Variants in EFNB2 observed in about 807,000 individuals in gnomAD.
The protein encoded by EFNB2 is ephrin-B2.
Under a neutral mutation model 32.1 loss-of-function variants are expected in EFNB2, and 5 were observed. The ratio of observed to expected loss-of-function variants is 0.16; its 90% CI spans 0.08 to 0.33. EFNB2 has a LOEUF of 0.33. EFNB2 is among the 10% of genes least tolerant of loss of function. The pLI is 1.00. For missense variants in EFNB2, 263 were observed against 422.6 expected, an observed-to-expected ratio of 0.62 and a Z score of 3.31; for synonymous variants, 168 against 166.5, an observed-to-expected ratio of 1.01 and a Z score of -0.07.
intron 2 of EFNB2, among the ~76,000 whole-genome samples, chr13:106,501,274 A>C (rs1311357379): frequency 6.6e-6 from 1 of 152,196 alleles, no homozygotes; most frequent in Non-Finnish European, 1.5e-5. Flanking sequence ...TTAATTAATA[A>C]AATCTTCTGA....
rs374306992 is a variant in EFNB2, at chr13:106,535,128, C to T, written c.-164G>A. 12 of 812,340 alleles carry T rather than the reference C, an allele frequency of 1.5e-5. No individual in the cohort carries two copies. In the South Asian group the frequency reaches 1.9e-4, roughly 13 times the overall value. 50.3% of individuals were successfully genotyped at this position (812,340 alleles called of 1,614,324 possible). A position where few individuals can be genotyped will look rare whatever the true frequency, so the allele number is the denominator to read the frequency against. ...GCTCCAGCGGTCGCCGGGCCAGGTG[C>T]GCTCGCTCTCCGGGGCCCTCAGGGC... On this transcript the variant is annotated 5_prime_UTR_variant, in exon 1 of 5. Coordinates refer to ENST00000646441, the MANE Select transcript of EFNB2 (RefSeq NM_004093.4).
intron 2 of EFNB2, among the ~76,000 whole-genome samples, chr13:106,511,835 C>T (rs1254356348): frequency 6.6e-6 from 1 of 152,194 alleles, no homozygotes; most frequent in African/African-American, 2.4e-5. Context: ...CAAATGTGCT[C>T]ATCAGCTGAC....
rs549807816 is a variant in EFNB2 at position 106,504,627 on chromosome 13, G to C, written c.406+7902C>G. ...TACCTTCATCCCCTGTTTAACATCAGGAACAACAAAATGGGCTACTTCACC... is the reference window on the plus strand; with the variant it reads ...TACCTTCATCCCCTGTTTAACATCACGAACAACAAAATGGGCTACTTCACC... On this transcript the variant is annotated intron_variant, in intron 2 of 4. Transcript: ENST00000646441. Among the ~76,000 whole-genome samples, 18 of 152,276 alleles carry C rather than the reference G, an allele frequency of 1.2e-4. No individual in the cohort carries two copies. The South Asian group carries it at 3.5e-3, about 30-fold the overall frequency.
chr13:106,495,782 T>C lies in EFNB2; in HGVS notation c.465A>G (p.Thr155=), dbSNP rs1430135125. 1 of 1,614,164 alleles carries C rather than the reference T, an allele frequency of 6.2e-7. No individual in the cohort carries two copies. The highest frequency in any genetic ancestry group is 8.5e-7 in the Non-Finnish European group (1 of 1,180,016). ...CTTTCATGAGGATCTTCATGGCTCTTGTCTGGCACACCCCTCCCTCCTGGT... is the reference window on the plus strand; with the variant it reads ...CTTTCATGAGGATCTTCATGGCTCTCGTCTGGCACACCCCTCCCTCCTGGT... ...LDNQEGGVCQ[T]RAMKILMKVG... is the part of the protein sequence containing the mutation. The change falls in exon 3 of 5, where the codon ACA becomes ACG. Residue 155 remains threonine (T), a synonymous_variant. Transcript: ENST00000646441.
At chr13:106,529,411 A>G (rs1879803581) in intron 1 of EFNB2, among the ~76,000 whole-genome samples, 1 of 152,230 alleles carries the variant, frequency 6.6e-6, no homozygotes, top group Non-Finnish European at 1.5e-5. Context: ...AGTTTTAATC[A>G]GCCCCAATCT....
intron 1 of EFNB2, among the ~76,000 whole-genome samples, chr13:106,529,905 T>TA (rs2138945817): frequency 6.6e-6 from 1 of 152,344 alleles, no homozygotes; most frequent in South Asian, 2.1e-4. Flanking sequence ...GTAATCCCCT[T>TA]ATTAACTATG....
intron 2 of EFNB2, among the ~76,000 whole-genome samples, chr13:106,499,885 C>T (rs1003950923): frequency 1.3e-5 from 2 of 152,152 alleles, no homozygotes; most frequent in African/African-American, 2.4e-5. Context: ...ATTGTTCCCC[C>T]CAGGGCCTAA....
rs982783879 is a variant in EFNB2, at chr13:106,518,140, C to A, written c.123-5328G>T. On this transcript the variant is annotated intron_variant, in intron 1 of 4. Transcript: ENST00000646441. This position sits in a 1 kb window ranked among gnomAD's most constrained non-coding sequence, Gnocchi z 4.1. ...GGATCACGAGGTCAGGAGTTCAAGA[C>A]CAGCCTGGCCAAGATGGTAAAACCC... 1.3e-5 allele frequency: 2 copies of A among 152,170 alleles called. No individual in the cohort carries two copies. The highest frequency in any genetic ancestry group is 4.8e-5 in the African/African-American group (2 of 41,428). 9.4% of individuals were successfully genotyped at this position (152,170 alleles called of 1,614,324 possible). A position where few individuals can be genotyped will look rare whatever the true frequency, so the allele number is the denominator to read the frequency against.
chr13:106,512,092 C>T (rs1194190652), intron 2 of EFNB2, among the ~76,000 whole-genome samples: 4 of 152,082 alleles, frequency 2.6e-5, no homozygotes, highest in African/African-American at 7.2e-5. Flanking sequence ...CCACCTTTCA[C>T]TGCTGAATCC....
rs1878492665 is a variant in EFNB2 at position 106,493,606 on chromosome 13, T to A, written c.614-178A>T. On this transcript the variant is annotated intron_variant, in intron 4 of 4. Coordinates refer to ENST00000646441, the MANE Select transcript of EFNB2 (RefSeq NM_004093.4). This position sits in a 1 kb window ranked among gnomAD's most constrained non-coding sequence, Gnocchi z 6.1. ...TCAACGCAAAAGGAAATGAGAGGTA[T>A]CTCTAGGAGGGACTTCCCTACCCTC... 6.6e-6 allele frequency among the ~76,000 whole-genome samples: 1 copy of A among 152,094 alleles called. No individual in the cohort carries two copies. Among genetic ancestry groups the A allele is most frequent in the Non-Finnish European group, 1.5e-5 (1 of 68,000 alleles).
intron 1 of EFNB2, 45 bp from the exon 2 acceptor site, chr13:106,512,857 C>T: frequency 6.7e-7 from 1 of 1,500,944 alleles, no homozygotes; most frequent in East Asian, 2.3e-5. Context: ...TAAAAATTAA[C>T]AGTATTAATG....
intron 2 of EFNB2, among the ~76,000 whole-genome samples, chr13:106,511,262 T>C (rs1335221578): frequency 6.6e-6 from 1 of 152,234 alleles, no homozygotes; most frequent in Non-Finnish European, 1.5e-5. Context: ...TACTAATTCT[T>C]GGTAAGCTAC....
intron 1 of EFNB2, among the ~76,000 whole-genome samples, chr13:106,532,712 A>G (rs1217580165): frequency 1.3e-5 from 2 of 151,852 alleles, no homozygotes; most frequent in African/African-American, 4.8e-5. Context: ...GCTGTGGAGG[A>G]CAAGACAGCA....
rs1278610460 is a variant in EFNB2 at position 106,492,309 on chromosome 13, A to T, written c.*731T>A. ...TGCAATTGCAGCCAGCCCTTTCCCC[A>T]GCCCCACTCCCTTCTATGAACTCCT... is the stretch of plus-strand genomic sequence containing the variant. On this transcript the variant is annotated 3_prime_UTR_variant, in exon 5 of 5. Coordinates refer to ENST00000646441, the MANE Select transcript of EFNB2 (RefSeq NM_004093.4). This position sits in a 1 kb window ranked among gnomAD's most constrained non-coding sequence, Gnocchi z 5.1. The T allele has an allele frequency of 1.3e-5, 2 of 152,388 alleles. No homozygotes were observed. Among genetic ancestry groups the T allele is most frequent in the Non-Finnish European group, 2.9e-5 (2 of 68,162 alleles). 9.4% of individuals were successfully genotyped at this position (152,388 alleles called of 1,614,324 possible). A position where few individuals can be genotyped will look rare whatever the true frequency, so the allele number is the denominator to read the frequency against.
At position 106,490,383 on chromosome 13, in the gene EFNB2, C is replaced by A. The variant is rs1168721621; in HGVS notation, c.*2657G>T. On this transcript the variant is annotated 3_prime_UTR_variant, in exon 5 of 5. Transcript: ENST00000646441. ...TTTACAGTAACTTTCCAAAGCTAAA[C>A]CAACTTCAAACAAAGGGACAGTTGG... is the stretch of plus-strand genomic sequence containing the variant. 6.6e-6 allele frequency: 1 copy of A among 152,158 alleles called. No homozygotes were observed. Among genetic ancestry groups the A allele is most frequent in the African/African-American group, 2.4e-5 (1 of 41,424 alleles). 9.4% of individuals were successfully genotyped at this position (152,158 alleles called of 1,614,324 possible).
rs552380558 is a variant in EFNB2, at chr13:106,490,841, C to A, written c.*2199G>T. On this transcript the variant is annotated 3_prime_UTR_variant, in exon 5 of 5. Transcript: ENST00000646441. ...CATACACACACGCACTTTGGACCAA[C>A]ATCATTTCCAGGTTCAGGAAATAGA... The A allele has an allele frequency of 6.6e-6, 1 of 152,612 alleles. No individual in the cohort carries two copies. Among genetic ancestry groups the A allele is most frequent in the South Asian group, 2.1e-4 (1 of 4,812 alleles). 9.5% of individuals were successfully genotyped at this position (152,612 alleles called of 1,614,324 possible).
At chr13:106,512,883 C>G in intron 1 of EFNB2, 71 bp from the exon 2 acceptor site, 1 of 1,303,126 alleles carries the variant, frequency 7.7e-7, no homozygotes. Flanking sequence ...TACAAGATAG[C>G]CAGGCAATGC....
At position 106,492,847 on chromosome 13, in the gene EFNB2, G is replaced by T; in HGVS notation, c.*193C>A. ...GTCTTCCAGCTTCCAGGGAGCGTGT[G>T]TGTTCACCAAGGCCGAATGCTACAA... On this transcript the variant is annotated 3_prime_UTR_variant, in exon 5 of 5. Transcript: ENST00000646441. The surrounding 1 kb of genome is among the most constrained non-coding windows in gnomAD (Gnocchi z 5.1). The T allele has an allele frequency of 1.5e-6, 1 of 682,328 alleles. No homozygotes were observed. The highest frequency in any genetic ancestry group is 2.2e-5 in the South Asian group (1 of 46,240). 42.3% of individuals were successfully genotyped at this position (682,328 alleles called of 1,614,324 possible).
chr13:106,495,901 C>G, intron 2 of EFNB2, 61 bp from the exon 3 acceptor site: 1 of 1,457,934 alleles, frequency 6.9e-7, no homozygotes, highest in Non-Finnish European at 9.5e-7. Flanking sequence ...ATCAATAAGC[C>G]AAGTTTACAT....
Sources: gnomAD v4.1 joint callset for allele counts (sites outside exome capture counted in the v4.1 genomes callset) on GRCh38, gnomAD v4.1.1 for gene constraint, Gnocchi (gnomAD v3.1) non-coding constraint, MANE v1.5 for transcripts, NCBI Gene and HGNC (gene_info 2026-07-23, HGNC 2026-07-21) for gene names.